PHACTR1: variants seen among roughly 807,000 people sequenced by gnomAD.
PHACTR1 encodes RPEL repeat containing 1.
Under a neutral mutation model 69.2 loss-of-function variants are expected in PHACTR1, and 16 were observed. The ratio of observed to expected loss-of-function variants is 0.23; its 90% CI spans 0.16 to 0.35. PHACTR1 has a LOEUF of 0.35. Among genes scored for constraint, PHACTR1 ranks in the 10% least tolerant of loss-of-function variants. PHACTR1 has a pLI of 1.00. For synonymous variants in PHACTR1, 312 were observed against 284.5 expected (o/e 1.10, Z -0.97); for missense variants, 510 against 734.7 (o/e 0.69, Z 3.54).
chr6:13,008,632 C>A (rs1374736792), intron 4 of PHACTR1, among the ~76,000 whole-genome samples: 1 of 152,140 alleles, frequency 6.6e-6, no homozygotes, highest in African/African-American at 2.4e-5. Context: ...CCAAAAAATA[C>A]CCCCAAAACA....
At chr6:12,958,674 G>T (rs1253879990) in intron 4 of PHACTR1, among the ~76,000 whole-genome samples, 2 of 152,226 alleles carry the variant, frequency 1.3e-5, no homozygotes, top group African/African-American at 4.8e-5. Flanking sequence ...TAGTTTGAAA[G>T]AGTTCATTTC....
Position 12,941,102 on chromosome 6 carries a change from C to G in PHACTR1, c.251-112263C>G, listed in dbSNP as rs548226130. Among the ~76,000 whole-genome samples the G allele has an allele frequency of 3.9e-5, 6 of 152,192 alleles. No homozygotes were observed. The South Asian group carries it at 1.0e-3, about 26-fold the overall frequency. ...TCTCATATGAGCAATCCTTTTCTAC[C>G]TACCAGTGAGGCTCAGGGTCAAGGG... On this transcript the variant is annotated intron_variant, in intron 4 of 14. Coordinates refer to ENST00000332995, the MANE Select transcript of PHACTR1 (RefSeq NM_030948.6).
chr6:12,988,252 A>G (rs1796422707), intron 4 of PHACTR1, among the ~76,000 whole-genome samples: 1 of 152,254 alleles, frequency 6.6e-6, no homozygotes, highest in South Asian at 2.1e-4. Flanking sequence ...AAGAATTGTC[A>G]TAAGCAATTA....
At position 13,227,796 on chromosome 6, in the gene PHACTR1, TC is replaced by T. The variant is rs1562028667; in HGVS notation, c.987-18del. The T allele has an allele frequency of 6.2e-7, 1 of 1,606,304 alleles. No homozygotes were observed. Among genetic ancestry groups the T allele is most frequent in the Admixed American group, 1.7e-5 (1 of 59,028 alleles). Reference sequence around the variant, plus strand: ...CGTTAGCCAAAGTGAATTTCCTCTTTCCTCCTTGTCTTTAAACAGCTCTGAG... The same window carrying T: ...CGTTAGCCAAAGTGAATTTCCTCTTTCTCCTTGTCTTTAAACAGCTCTGAG... On this transcript the variant is annotated intron_variant, in intron 8 of 14. Coordinates refer to ENST00000332995, the MANE Select transcript of PHACTR1 (RefSeq NM_030948.6).
chr6:13,229,969 C>G, intron 9 of PHACTR1, 68 bp from the exon 10 acceptor site: 1 of 1,477,866 alleles, frequency 6.8e-7, no homozygotes, highest in Non-Finnish European at 9.0e-7. Flanking sequence ...TCTTATGACC[C>G]AGGGTTGGCC....
intron 10 of PHACTR1, among the ~76,000 whole-genome samples, chr6:13,251,950 G>A (rs745953854): frequency 1.6e-4 from 25 of 151,706 alleles, no homozygotes; most frequent in Non-Finnish European, 3.2e-4. Context: ...AGCTACTGGG[G>A]AGGCTGAAGT....
chr6:13,048,522 T>TTGTGTGTGTGTGTGTG (rs70989824), intron 4 of PHACTR1, among the ~76,000 whole-genome samples: 2,177 of 142,938 alleles, frequency 0.015, 37 homozygotes, highest in South Asian at 0.054. Flanking sequence ...TTCCATTTCT[T>TTGTGTGTGTGTGTGTG]TGTGTGTGTG....
At chr6:13,160,456 T>C (rs1237728473) in intron 6 of PHACTR1, among the ~76,000 whole-genome samples, 172 bp downstream of exon 6, 1 of 152,228 alleles carries the variant, frequency 6.6e-6, no homozygotes, top group Non-Finnish European at 1.5e-5. Context: ...GTGCTGAAGC[T>C]GTCAGCATCA....
intron 4 of PHACTR1, among the ~76,000 whole-genome samples, chr6:12,817,745 A>T (rs1470525341): frequency 1.3e-5 from 2 of 152,188 alleles, no homozygotes; most frequent in African/African-American, 4.8e-5. Flanking sequence ...TACTGAAATC[A>T]TTCTACCCTC....
intron 4 of PHACTR1, among the ~76,000 whole-genome samples, chr6:12,979,654 G>A (rs542391880): frequency 5.8e-4 from 87 of 151,148 alleles, no homozygotes; most frequent in African/African-American, 9.0e-4. Context: ...TTAGAGAAAC[G>A]TTCCCTTTCT....
chr6:13,131,241 A>ACACACACACACACC (rs1820422864), intron 5 of PHACTR1, among the ~76,000 whole-genome samples: 3 of 131,790 alleles, frequency 2.3e-5, no homozygotes, highest in African/African-American at 8.2e-5. Flanking sequence ...ACACACACAC[A>ACACACACACACACC]CACACCATGG....
chr6:13,103,791 T>C (rs1176908980), intron 5 of PHACTR1, among the ~76,000 whole-genome samples: 2 of 152,174 alleles, frequency 1.3e-5, no homozygotes, highest in African/African-American at 4.8e-5. Flanking sequence ...CATTAAAATG[T>C]CACCTATATT....
intron 4 of PHACTR1, among the ~76,000 whole-genome samples, chr6:12,778,892 C>G (rs1196819261): frequency 6.6e-6 from 1 of 152,082 alleles, no homozygotes; most frequent in South Asian, 2.1e-4. Context: ...GAAAAGGGTC[C>G]CCCCTCCCCT....
chr6:13,006,276 C>T (rs114433661), intron 4 of PHACTR1, among the ~76,000 whole-genome samples: 8 of 152,324 alleles, frequency 5.3e-5, no homozygotes, highest in Non-Finnish European at 1.2e-4. Flanking sequence ...GTCCGATAAC[C>T]TTTCTTGGTT....
chr6:12,810,397 C>T (rs1400952880), intron 4 of PHACTR1, among the ~76,000 whole-genome samples: 1 of 152,138 alleles, frequency 6.6e-6, no homozygotes, highest in Non-Finnish European at 1.5e-5. Flanking sequence ...CTCCACATCC[C>T]CTGGCATCTA....
At chr6:13,114,370 G>C (rs926040362) in intron 5 of PHACTR1, among the ~76,000 whole-genome samples, 2 of 152,100 alleles carry the variant, frequency 1.3e-5, no homozygotes, top group African/African-American at 2.4e-5. Flanking sequence ...TACATTCTTA[G>C]GAATAATGGA....
intron 5 of PHACTR1, among the ~76,000 whole-genome samples, chr6:13,155,559 G>C (rs562334995): frequency 4.6e-5 from 7 of 152,256 alleles, no homozygotes; most frequent in African/African-American, 1.7e-4. Context: ...CAGAAGAGAG[G>C]TGTCATGCAT....
intron 4 of PHACTR1, among the ~76,000 whole-genome samples, chr6:12,870,121 GA>G (rs34371420): frequency 0.13 from 17,351 of 137,578 alleles, 1,288 homozygotes; most frequent in African/African-American, 0.21. Flanking sequence ...TAAGGACATG[GA>G]AAAAAAAAAA....
intron 5 of PHACTR1, among the ~76,000 whole-genome samples, chr6:13,118,877 C>G (rs974223968): frequency 2.0e-5 from 3 of 152,152 alleles, no homozygotes; most frequent in Middle Eastern, 6.3e-3. Flanking sequence ...ACATACTAGA[C>G]TCACTTTTGG....
Sources: allele counts gnomAD v4.1 joint callset (sites outside exome capture counted in the v4.1 genomes callset), GRCh38; gene constraint gnomAD v4.1.1; transcripts MANE v1.5; gene names NCBI Gene and HGNC (gene_info 2026-07-23, HGNC 2026-07-21).